KCTD8: variants seen among roughly 807,000 people sequenced by gnomAD.
KCTD8 encodes potassium channel tetramerization domain containing 8, also known as BTB/POZ domain-containing protein KCTD8.
A neutral mutation model predicts 31.5 loss-of-function variants in KCTD8; 27 were observed. That is an observed-to-expected ratio of 0.86 (90% CI 0.63 to 1.18). The LOEUF is 1.18. Ranked by LOEUF, KCTD8 falls within the 50% of genes most tolerant of loss-of-function variation. The probability of loss-of-function intolerance (pLI) is 0.00; values close to 1 mark genes in which losing one functional copy is unlikely to be tolerated. For synonymous variants in KCTD8, 290 were observed against 280.0 expected, an observed-to-expected ratio of 1.04 and a Z score of -0.36; for missense variants, 658 against 647.7, an observed-to-expected ratio of 1.02 and a Z score of -0.17.
intron 1 of KCTD8, among the ~76,000 whole-genome samples, chr4:44,202,765 C>T (rs914016524): frequency 3.3e-5 from 5 of 151,608 alleles, no homozygotes; most frequent in African/African-American, 1.2e-4. Context: ...CCCCCAAATA[C>T]AAAATCTAAA....
chr4:44,334,723 G>A (rs1005400056), intron 1 of KCTD8, among the ~76,000 whole-genome samples: 7 of 151,860 alleles, frequency 4.6e-5, no homozygotes, highest in African/African-American at 1.7e-4. Flanking sequence ...TACATAATCT[G>A]GTCACAAAGG....
At chr4:44,252,226 T>C (rs1715859681) in intron 1 of KCTD8, among the ~76,000 whole-genome samples, 1 of 151,828 alleles carries the variant, frequency 6.6e-6, no homozygotes, top group Non-Finnish European at 1.5e-5. Flanking sequence ...TTCCATTGTA[T>C]CCATTGTATG....
rs1719763772 is a variant in KCTD8, at chr4:44,370,809, G to A, written c.961+76754C>T. Among the ~76,000 whole-genome samples the A allele has an allele frequency of 2.0e-5, 3 of 152,136 alleles. No individual in the cohort carries two copies. In the South Asian group the frequency reaches 6.2e-4, roughly 32 times the overall value. ...TTTCCAGCCTCAATTCCTAGAAGTG[G>A]CAAGGGAGAAGGAGGTAGAAATGAA... On this transcript the variant is annotated intron_variant, in intron 1 of 1. Coordinates refer to ENST00000360029, the MANE Select transcript of KCTD8 (RefSeq NM_198353.3).
chr4:44,177,747 T>C (rs928833399), intron 1 of KCTD8, among the ~76,000 whole-genome samples: 69 of 152,206 alleles, frequency 4.5e-4, no homozygotes, highest in Non-Finnish European at 1.0e-4. Flanking sequence ...CTCTTTTTCT[T>C]CCCAGTCTCA....
At position 44,212,455 on chromosome 4, in the gene KCTD8, AG is replaced by A. The variant is rs1216729722; in HGVS notation, c.962-37206del. 2.0e-5 allele frequency among the ~76,000 whole-genome samples: 3 copies of A among 152,202 alleles called. No individual in the cohort carries two copies. In the East Asian group the frequency reaches 5.8e-4, roughly 29 times the overall value. ...AAATCTATACATATTTGAGTTCCAT[AG>A]TTTGTCCTATGGAACTCACATAAAC... On this transcript the variant is annotated intron_variant, in intron 1 of 1. Transcript: ENST00000360029.
At chr4:44,355,511 T>C (rs1719320193) in intron 1 of KCTD8, among the ~76,000 whole-genome samples, 1 of 152,184 alleles carries the variant, frequency 6.6e-6, no homozygotes, top group East Asian at 1.9e-4. Context: ...AATCAACCAA[T>C]GTAGTTTTAT....
intron 1 of KCTD8, among the ~76,000 whole-genome samples, chr4:44,292,437 A>C (rs1717308363): frequency 1.3e-5 from 2 of 152,128 alleles, no homozygotes; most frequent in South Asian, 4.1e-4. Flanking sequence ...ACACATGGAC[A>C]TAAAGATGGA....
At chr4:44,252,236 G>A (rs1465734840) in intron 1 of KCTD8, among the ~76,000 whole-genome samples, 1 of 151,552 alleles carries the variant, frequency 6.6e-6, no homozygotes, top group South Asian at 2.1e-4. Flanking sequence ...TCCATTGTAT[G>A]CATATATCAC....
chr4:44,430,888 C>T (rs1045516562), intron 1 of KCTD8, among the ~76,000 whole-genome samples: 2 of 151,632 alleles, frequency 1.3e-5, no homozygotes. Context: ...AATCACCAGT[C>T]TATAAGCCCT....
chr4:44,359,093 T>A (rs1187448447), intron 1 of KCTD8, among the ~76,000 whole-genome samples: 1 of 152,210 alleles, frequency 6.6e-6, no homozygotes, highest in Non-Finnish European at 1.5e-5. Flanking sequence ...TGGCAAAAAA[T>A]TTATCCAGTT....
chr4:44,208,920 G>C (rs1391466001), intron 1 of KCTD8, among the ~76,000 whole-genome samples: 1 of 152,094 alleles, frequency 6.6e-6, no homozygotes, highest in Admixed American at 6.5e-5. Flanking sequence ...TTTTGTCCAT[G>C]ATCTAAATCT....
At chr4:44,406,065 C>G (rs1168782574) in intron 1 of KCTD8, among the ~76,000 whole-genome samples, 1 of 152,006 alleles carries the variant, frequency 6.6e-6, no homozygotes, top group Non-Finnish European at 1.5e-5. Flanking sequence ...CAGATTGGGA[C>G]ACTTCTTTCT....
At chr4:44,425,264 A>T (rs752076483) in intron 1 of KCTD8, among the ~76,000 whole-genome samples, 1 of 152,016 alleles carries the variant, frequency 6.6e-6, no homozygotes, top group Non-Finnish European at 1.5e-5. Context: ...TTTACCATAG[A>T]TTAATTCCAC....
At chr4:44,271,597 G>A (rs181700958) in intron 1 of KCTD8, among the ~76,000 whole-genome samples, 2 of 152,214 alleles carry the variant, frequency 1.3e-5, no homozygotes, top group Non-Finnish European at 2.9e-5. Flanking sequence ...GGGTTTACAG[G>A]AATGAGGGCA....
At chr4:44,204,386 G>A (rs1714241662) in intron 1 of KCTD8, among the ~76,000 whole-genome samples, 1 of 152,108 alleles carries the variant, frequency 6.6e-6, no homozygotes, top group Non-Finnish European at 1.5e-5. Context: ...ATCGACCCCT[G>A]ATCTAATCGG....
chr4:44,370,864 T>C (rs1255058335), intron 1 of KCTD8, among the ~76,000 whole-genome samples: 3 of 152,188 alleles, frequency 2.0e-5, no homozygotes, highest in Admixed American at 2.0e-4. Flanking sequence ...TACTGGCTCC[T>C]ATATTAGTCA....
intron 1 of KCTD8, among the ~76,000 whole-genome samples, chr4:44,227,995 A>G (rs1715013809): frequency 6.6e-6 from 1 of 152,126 alleles, no homozygotes; most frequent in East Asian, 1.9e-4. Context: ...CTACTACTCT[A>G]TTTAATACCT....
chr4:44,266,188 G>C (rs1457638178), intron 1 of KCTD8, among the ~76,000 whole-genome samples: 1 of 152,112 alleles, frequency 6.6e-6, no homozygotes. Flanking sequence ...GACTAACAGC[G>C]GATCTCTCAG....
chr4:44,350,339 T>G (rs997050408), intron 1 of KCTD8, among the ~76,000 whole-genome samples: 4 of 152,154 alleles, frequency 2.6e-5, no homozygotes, highest in African/African-American at 9.7e-5. Flanking sequence ...CTCCACAATT[T>G]AGCCAAAACT....
Sources: gnomAD v4.1 joint callset for allele counts (sites outside exome capture counted in the v4.1 genomes callset) on GRCh38, gnomAD v4.1.1 for gene constraint, MANE v1.5 for transcripts, NCBI Gene and HGNC (gene_info 2026-07-23, HGNC 2026-07-21) for gene names.